The following MYZAP variants were observed in gnomAD, a reference collection of about 807,000 sequenced individuals.
The protein encoded by MYZAP is GRINL1A complex locus upstream.
In MYZAP, 66 loss-of-function variants were observed where a neutral mutation model predicts 69.4. The observed-to-expected ratio is 0.95, with a 90% CI of 0.78 to 1.17. The LOEUF (loss-of-function observed/expected upper bound fraction) is 1.17, where lower values mean the gene tolerates loss of function less well. Ranked by LOEUF, MYZAP falls within the 50% of genes most tolerant of loss-of-function variation. The pLI is 0.00. For synonymous variants in MYZAP, 256 were observed against 205.9 expected (o/e 1.24, Z -2.09); for missense variants, 611 against 556.2 (o/e 1.10, Z -0.99).
chr15:57,620,724 C>T (rs1419611572), intron 3 of MYZAP, among the ~76,000 whole-genome samples: 1 of 152,074 alleles, frequency 6.6e-6, no homozygotes, highest in Non-Finnish European at 1.5e-5. Context: ...CCTTCCATTC[C>T]AGATATTTGA....
intron 11 of MYZAP, among the ~76,000 whole-genome samples, chr15:57,666,177 C>A (rs2038560933): frequency 6.6e-6 from 1 of 152,284 alleles, no homozygotes; most frequent in Non-Finnish European, 1.5e-5. Context: ...ATCATGCCAC[C>A]AACAACCTGG....
chr15:57,637,637 A>G, intron 8 of MYZAP, 58 bp from the exon 9 acceptor site: 1 of 1,570,650 alleles, frequency 6.4e-7, no homozygotes, highest in Non-Finnish European at 8.7e-7. Flanking sequence ...TGCTAAATAG[A>G]CATTCTCTGT....
At chr15:57,604,457 G>T in intron 2 of MYZAP, 102 bp downstream of exon 2, 1 of 1,317,744 alleles carries the variant, frequency 7.6e-7, no homozygotes, top group Non-Finnish European at 1.1e-6. Context: ...CTGGGTGTCT[G>T]CACCTCTGTT....
intron 11 of MYZAP, among the ~76,000 whole-genome samples, chr15:57,669,109 G>A (rs958233016): frequency 3.9e-5 from 6 of 151,934 alleles, no homozygotes; most frequent in South Asian, 2.1e-4. Flanking sequence ...GGCTGGTCTC[G>A]AACTCCTGAG....
At chr15:57,631,076 G>A (rs1371757930) in intron 6 of MYZAP, among the ~76,000 whole-genome samples, 1 of 152,180 alleles carries the variant, frequency 6.6e-6, no homozygotes, top group Non-Finnish European at 1.5e-5. Flanking sequence ...TTCTAATAGG[G>A]CAGCTCTTCT....
At chr15:57,659,152 T>C (rs2038153409) in intron 10 of MYZAP, among the ~76,000 whole-genome samples, 1 of 152,216 alleles carries the variant, frequency 6.6e-6, no homozygotes, top group South Asian at 2.1e-4. Flanking sequence ...ACACTCATTA[T>C]TATTTTTGAT....
rs1555465672 is a variant in MYZAP, at chr15:57,679,375, T to TGTGTGTGTGTGTGTGTG, written c.1304+4307_1304+4308insGTGTGTGTGTGTGTGTG. 9.6e-3 allele frequency among the ~76,000 whole-genome samples: 1,106 copies of TGTGTGTGTGTGTGTGTG among 114,996 alleles called. 13 individuals are homozygous for TGTGTGTGTGTGTGTGTG. Among genetic ancestry groups the TGTGTGTGTGTGTGTGTG allele is most frequent in the Non-Finnish European group, 0.011 (630 of 56,754 alleles). 75.4% of individuals were successfully genotyped at this position (114,996 alleles called of 152,430 possible). ...GTGTGTGTGTGTGTGTGTGTGTGTG[T>TGTGTGTGTGTGTGTGTG]TTCTCTCTCTCTCTCTCTCTGTCTC... On this transcript the variant is annotated intron_variant, in intron 12 of 12. Transcript: ENST00000267853.
intron 1 of MYZAP, among the ~76,000 whole-genome samples, chr15:57,597,377 C>T (rs888463971): frequency 1.3e-5 from 2 of 152,192 alleles, no homozygotes; most frequent in Non-Finnish European, 2.9e-5. Context: ...GGAAGCTTCC[C>T]AGGCGATTCT....
chr15:57,683,942 G>A (rs1266534114), intron 12 of MYZAP, among the ~76,000 whole-genome samples: 2 of 152,128 alleles, frequency 1.3e-5, no homozygotes, highest in African/African-American at 4.8e-5. Context: ...TTACAGGCAT[G>A]TGCCATCATG....
At chr15:57,653,012 A>G (rs1173454971) in intron 10 of MYZAP, among the ~76,000 whole-genome samples, 1 of 152,122 alleles carries the variant, frequency 6.6e-6, no homozygotes, top group Non-Finnish European at 1.5e-5. Context: ...AACATTTTCA[A>G]TGTGAAATGA....
At chr15:57,640,871 C>T (rs1319890078) in intron 10 of MYZAP, among the ~76,000 whole-genome samples, 1 of 152,180 alleles carries the variant, frequency 6.6e-6, no homozygotes, top group African/African-American at 2.4e-5. Flanking sequence ...TGCATCCAGG[C>T]AGGAGCACTG....
chr15:57,633,591 G>T, intron 7 of MYZAP, 22 bp from the exon 8 acceptor site: 1 of 1,607,252 alleles, frequency 6.2e-7, no homozygotes, highest in Non-Finnish European at 8.5e-7. Context: ...CCTGTACTTA[G>T]GAGGGTATAT....
At chr15:57,609,880 C>G (rs190530009) in intron 2 of MYZAP, among the ~76,000 whole-genome samples, 1 of 152,290 alleles carries the variant, frequency 6.6e-6, no homozygotes, top group African/African-American at 2.4e-5. Flanking sequence ...AAAGAACTCT[C>G]TGAATTTATG....
intron 1 of MYZAP, chr15:57,599,658 C>G (rs144885961): frequency 7.8e-7 from 1 of 1,289,050 alleles, no homozygotes; most frequent in Non-Finnish European, 1.0e-6. Context: ...ATTGTGTATC[C>G]GAGTTTCAGG....
chr15:57,633,735 G>A lies in MYZAP; in HGVS notation c.927G>A (p.Met309Ile). 4.4e-6 allele frequency: 7 copies of A among 1,606,026 alleles called. No homozygotes were observed. Among genetic ancestry groups the A allele is most frequent in the South Asian group, 2.3e-5 (2 of 88,772 alleles). Residue 309 changes from methionine to isoleucine, a missense_variant, in exon 8 of 13, where the codon ATG becomes ATA. Physicochemically the swap from Met to Ile is conservative, Grantham distance 10. Coordinates refer to ENST00000267853, the MANE Select transcript of MYZAP (RefSeq NM_001018100.5). The stretch of plus-strand genomic sequence containing the variant: ...AGCTGGACAGGCTGATTGAGCGCAT[G>A]GAAAAGGTAGGACACAGCGTTGGGC... Reference protein sequence around the residue: ...IGELDRLIERMEKERHQLQLQ... With the variant: ...IGELDRLIERIEKERHQLQLQ...
chr15:57,637,405 A>C (rs2140457655), intron 8 of MYZAP, among the ~76,000 whole-genome samples: 1 of 152,326 alleles, frequency 6.6e-6, no homozygotes, highest in East Asian at 1.9e-4. Flanking sequence ...ATTGATAATC[A>C]GTATTTGGGG....
intron 1 of MYZAP, among the ~76,000 whole-genome samples, chr15:57,600,953 C>T (rs1442063613): frequency 1.3e-5 from 2 of 152,086 alleles, no homozygotes; most frequent in African/African-American, 2.4e-5. Flanking sequence ...TGATGCATGC[C>T]TGTGGTCCCA....
At chr15:57,621,888 GA>G (rs2035842241) in intron 4 of MYZAP, among the ~76,000 whole-genome samples, 188 bp downstream of exon 4, 1 of 152,138 alleles carries the variant, frequency 6.6e-6, no homozygotes, top group South Asian at 2.1e-4. Context: ...TTTATGGTAA[GA>G]ATAATCGTAT....
chr15:57,677,131 C>T (rs977588440), intron 12 of MYZAP, among the ~76,000 whole-genome samples: 1 of 152,184 alleles, frequency 6.6e-6, no homozygotes, highest in African/African-American at 2.4e-5. Context: ...CTTCCACCTG[C>T]GCTTCTTGGA....
Sources: allele counts gnomAD v4.1 joint callset (sites outside exome capture counted in the v4.1 genomes callset), GRCh38; gene constraint gnomAD v4.1.1; transcripts MANE v1.5; gene names NCBI Gene and HGNC (gene_info 2026-07-23, HGNC 2026-07-21).